LRBA: variants seen among roughly 807,000 people sequenced by gnomAD.
LRBA encodes the protein lipopolysaccharide-responsive and beige-like anchor protein.
In LRBA, 176 loss-of-function variants were observed where a neutral mutation model predicts 330.0. The observed-to-expected ratio is 0.53, with a 90% CI of 0.47 to 0.60. The LOEUF (loss-of-function observed/expected upper bound fraction) is 0.60. Ranked by LOEUF, LRBA falls within the 20% of genes least tolerant of loss-of-function variation. The pLI, the probability that LRBA is intolerant of heterozygous loss-of-function variation, is 0.00. For missense variants in LRBA, 3,259 were observed against 3,444.8 expected, an observed-to-expected ratio of 0.95 and a Z score of 1.35; for synonymous variants, 1,230 against 1,193.0, an observed-to-expected ratio of 1.03 and a Z score of -0.64.
chr4:150,881,697 T>C (rs1172749991), intron 17 of LRBA, among the ~76,000 whole-genome samples: 1 of 152,090 alleles, frequency 6.6e-6, no homozygotes, highest in Non-Finnish European at 1.5e-5. Flanking sequence ...CATAAATACA[T>C]AATAAATAAA....
rs181904142 is a variant in LRBA at position 150,705,704 on chromosome 4, A to G, written c.5755-21987T>C. ...TCAAAAAAAGTATACTATGAATATC[A>G]ACTCCACTGCTCCACTTAAGGATGA... On this transcript the variant is annotated intron_variant, in intron 36 of 56. Transcript: ENST00000651943. Among the ~76,000 whole-genome samples the G allele has an allele frequency of 1.2e-3, 176 of 152,188 alleles. 2 individuals carry two copies. Among genetic ancestry groups the G allele is most frequent in the Admixed American group, 0.011 (175 of 15,290 alleles).
rs141040380 is a variant in LRBA at position 150,405,638 on chromosome 4, T to C, written c.7194+9800A>G. ...TAACACTGCATAGTAGGCTTATATA[T>C]AAATGTAATATATATATATAAATAA... On this transcript the variant is annotated intron_variant, in intron 47 of 56. Coordinates refer to ENST00000651943, the MANE Select transcript of LRBA (RefSeq NM_001364905.1). Among the ~76,000 whole-genome samples the C allele has an allele frequency of 2.2e-3, 337 of 151,990 alleles. 2 individuals are homozygous for C. The highest frequency in any genetic ancestry group is 7.5e-3 in the African/African-American group (311 of 41,524).
chr4:150,590,361 C>T (rs1394856350), intron 39 of LRBA, among the ~76,000 whole-genome samples: 1 of 122,902 alleles, frequency 8.1e-6, no homozygotes, highest in Non-Finnish European at 1.7e-5. Flanking sequence ...GCTTTATTTA[C>T]AAAAAAAAAA....
intron 34 of LRBA, among the ~76,000 whole-genome samples, chr4:150,773,953 C>T (rs181146177): frequency 6.6e-6 from 1 of 152,238 alleles, no homozygotes; most frequent in Admixed American, 6.5e-5. Context: ...TTCCTTTTCC[C>T]CAGTGAACAG....
At chr4:150,509,684 A>C (rs1341874766) in intron 40 of LRBA, among the ~76,000 whole-genome samples, 1 of 152,210 alleles carries the variant, frequency 6.6e-6, no homozygotes, top group Non-Finnish European at 1.5e-5. Context: ...ATTAGGGAAA[A>C]AAAATAGATG....
At chr4:150,609,850 G>A (rs115212771) in intron 37 of LRBA, among the ~76,000 whole-genome samples, 382 of 152,304 alleles carry the variant, frequency 2.5e-3, no homozygotes, top group Non-Finnish European at 4.5e-3. Flanking sequence ...GATGGCATTG[G>A]GGGTAGGAGG....
intron 33 of LRBA, among the ~76,000 whole-genome samples, 180 bp from the exon 34 acceptor site, chr4:150,798,322 T>C (rs1741101357): frequency 1.3e-5 from 2 of 152,234 alleles, no homozygotes; most frequent in Admixed American, 6.5e-5. Context: ...ACTACCACCA[T>C]TTTTGTAAAG....
intron 43 of LRBA, among the ~76,000 whole-genome samples, chr4:150,468,567 C>T (rs1410536852): frequency 6.6e-6 from 1 of 151,970 alleles, no homozygotes; most frequent in Non-Finnish European, 1.5e-5. Context: ...ATCATTGTTT[C>T]TGGAATCAAA....
intron 40 of LRBA, among the ~76,000 whole-genome samples, chr4:150,508,565 G>A (rs1012418062): frequency 3.3e-5 from 5 of 152,138 alleles, no homozygotes; most frequent in African/African-American, 1.2e-4. Context: ...TGGGATTATA[G>A]GCAGGAGCCA....
chr4:150,459,915 A>G (rs565226021), intron 44 of LRBA, among the ~76,000 whole-genome samples: 103 of 151,982 alleles, frequency 6.8e-4, no homozygotes, highest in Non-Finnish European at 1.0e-3. Flanking sequence ...AAGATCTATT[A>G]TTTACTGTTG....
At chr4:150,756,118 CAA>C (rs1371816101) in intron 35 of LRBA, among the ~76,000 whole-genome samples, 1 of 149,992 alleles carries the variant, frequency 6.7e-6, no homozygotes, top group Non-Finnish European at 1.5e-5. Flanking sequence ...AGGTTAAGAA[CAA>C]AAAGAGTACC....
chr4:150,299,783 C>G (rs908870675), intron 53 of LRBA, among the ~76,000 whole-genome samples: 1 of 151,924 alleles, frequency 6.6e-6, no homozygotes, highest in African/African-American at 2.4e-5. Flanking sequence ...TTTCTTTTAT[C>G]TATTTTCCCT....
chr4:150,775,805 G>GAAAAAAAAAAAAAAA (rs35161747), intron 34 of LRBA, among the ~76,000 whole-genome samples: 16 of 59,978 alleles, frequency 2.7e-4, no homozygotes, highest in East Asian at 4.8e-4. Context: ...AAGAAAGAAT[G>GAAAAAAAAAAAAAAA]AAAAAAAAAA....
At chr4:150,683,009 A>G (rs1783184630) in intron 37 of LRBA, among the ~76,000 whole-genome samples, 1 of 152,098 alleles carries the variant, frequency 6.6e-6, no homozygotes, top group South Asian at 2.1e-4. Context: ...AAGAAGGTAG[A>G]TATATTGAGT....
chr4:150,583,219 G>A lies in LRBA; in HGVS notation c.6330+4829C>T. On this transcript the variant is annotated intron_variant, in intron 40 of 56. Transcript: ENST00000651943. The surrounding 1 kb of genome is among the most constrained non-coding windows in gnomAD (Gnocchi z 9.8). ...CTTGAGCGAGATCGATGCCCGCTAC[G>A]AGGGGCTCGAGGTCATTTCGCCCAC... 6.2e-7 allele frequency: 1 copy of A among 1,614,216 alleles called. No homozygotes were observed. Among genetic ancestry groups the A allele is most frequent in the South Asian group, 1.1e-5 (1 of 91,080 alleles).
intron 35 of LRBA, among the ~76,000 whole-genome samples, chr4:150,745,509 T>C (rs984582073): frequency 1.3e-5 from 2 of 151,910 alleles, no homozygotes; most frequent in African/African-American, 2.4e-5. Context: ...AAAACCTTTG[T>C]TTTTTGTTTT....
At chr4:150,714,225 T>C (rs936806839) in intron 36 of LRBA, among the ~76,000 whole-genome samples, 4 of 152,178 alleles carry the variant, frequency 2.6e-5, no homozygotes, top group African/African-American at 7.2e-5. Context: ...ACAGTACAAA[T>C]ACATTATGTC....
Position 150,583,087 on chromosome 4 carries a change from T to C in LRBA, c.6330+4961A>G. ...GCTCAATAAGTACTACACTGAGCGC[T>C]GTCAGGCGCGCAAGGCGGCCATCGC... On this transcript the variant is annotated intron_variant, in intron 40 of 56. Transcript: ENST00000651943. The surrounding 1 kb of genome is among the most constrained non-coding windows in gnomAD (Gnocchi z 9.8). 2.5e-6 allele frequency: 4 copies of C among 1,614,076 alleles called. No homozygotes were observed. The highest frequency in any genetic ancestry group is 3.4e-6 in the Non-Finnish European group (4 of 1,179,972).
intron 2 of LRBA, among the ~76,000 whole-genome samples, chr4:150,992,667 T>C (rs1742226627): frequency 6.6e-6 from 1 of 152,192 alleles, no homozygotes; most frequent in African/African-American, 2.4e-5. Context: ...AAAGACTACT[T>C]ATGGGAATAA....
Sources: gnomAD v4.1 joint callset for allele counts (sites outside exome capture counted in the v4.1 genomes callset) on GRCh38, gnomAD v4.1.1 for gene constraint, Gnocchi (gnomAD v3.1) non-coding constraint, MANE v1.5 for transcripts, NCBI Gene and HGNC (gene_info 2026-07-23, HGNC 2026-07-21) for gene names.